Variants in ASIC2 observed in about 807,000 individuals in gnomAD.
ASIC2 encodes acid sensing ion channel subunit 2, also known as acid-sensing ion channel 2.
In ASIC2, 25 loss-of-function variants were observed where a neutral mutation model predicts 57.3. That is an observed-to-expected ratio of 0.44 (90% CI 0.32 to 0.61). The LOEUF (loss-of-function observed/expected upper bound fraction) is 0.61. Ranked by LOEUF, ASIC2 falls within the 20% of genes least tolerant of loss-of-function variation. ASIC2 has a pLI of 0.06. For missense variants in ASIC2, 641 were observed against 738.1 expected, an observed-to-expected ratio of 0.87 and a Z score of 1.52; for synonymous variants, 319 against 307.5, an observed-to-expected ratio of 1.04 and a Z score of -0.39.
At chr17:33,905,746 T>C (rs920121197) in intron 1 of ASIC2, among the ~76,000 whole-genome samples, 24 of 152,162 alleles carry the variant, frequency 1.6e-4, no homozygotes, top group African/African-American at 5.3e-4. Flanking sequence ...TAGTCTGACA[T>C]CAGACAAATG....
intron 1 of ASIC2, among the ~76,000 whole-genome samples, chr17:33,151,181 GCA>G (rs56192428): frequency 0.55 from 81,318 of 146,586 alleles, 22,978 homozygotes; most frequent in African/African-American, 0.64. Context: ...ACACACACAC[GCA>G]CACACACACA....
chr17:33,558,056 T>G (rs867159486), intron 1 of ASIC2, among the ~76,000 whole-genome samples: 1 of 152,024 alleles, frequency 6.6e-6, no homozygotes. Flanking sequence ...CATTTGGGCC[T>G]TCTTGGTATC....
intron 1 of ASIC2, among the ~76,000 whole-genome samples, chr17:33,902,785 C>T (rs931528323): frequency 2.0e-5 from 3 of 152,284 alleles, no homozygotes; most frequent in East Asian, 1.9e-4. Context: ...TCTCGAAGAC[C>T]CAATTCTTCA....
At chr17:34,067,247 A>G (rs554575968) in intron 1 of ASIC2, among the ~76,000 whole-genome samples, 4 of 152,330 alleles carry the variant, frequency 2.6e-5, no homozygotes, top group African/African-American at 7.2e-5. Flanking sequence ...TTGTAGTGGT[A>G]AGTGTTTACA....
rs1196870111 is a variant in ASIC2, at chr17:33,853,775, G to A, written c.555+302203C>T. Among the ~76,000 whole-genome samples, 6 of 152,320 alleles carry A rather than the reference G, an allele frequency of 3.9e-5. No individual in the cohort carries two copies. In the South Asian group the frequency reaches 1.2e-3, roughly 32 times the overall value. Reference sequence around the variant, plus strand: ...GCACCGAGCTTGGTCTAGAGTGGATGTTCATTAAACGCTGATTTGATAAGT... The same window carrying A: ...GCACCGAGCTTGGTCTAGAGTGGATATTCATTAAACGCTGATTTGATAAGT... On this transcript the variant is annotated intron_variant, in intron 1 of 9. Coordinates refer to the ASIC2 transcript ENST00000359872.
intron 1 of ASIC2, among the ~76,000 whole-genome samples, chr17:34,067,928 A>G (rs1411191944): frequency 6.6e-6 from 1 of 152,222 alleles, no homozygotes; most frequent in African/African-American, 2.4e-5. Context: ...AAGGATAAAC[A>G]TTATCCTGTT....
At chr17:33,643,925 A>T (rs1906663837) in intron 1 of ASIC2, among the ~76,000 whole-genome samples, 1 of 152,230 alleles carries the variant, frequency 6.6e-6, no homozygotes, top group African/African-American at 2.4e-5. Context: ...ACATGACTTT[A>T]GCTGGTATAA....
At chr17:33,190,682 T>C (rs764700766) in intron 1 of ASIC2, among the ~76,000 whole-genome samples, 1 of 152,186 alleles carries the variant, frequency 6.6e-6, no homozygotes, top group Non-Finnish European at 1.5e-5. Context: ...TATAGACATA[T>C]AGATCAATGG....
chr17:33,702,461 A>G (rs1384463208), intron 1 of ASIC2, among the ~76,000 whole-genome samples: 1 of 152,180 alleles, frequency 6.6e-6, no homozygotes, highest in Non-Finnish European at 1.5e-5. Flanking sequence ...TGGGCAACCC[A>G]ATTCTCTCTG....
intron 1 of ASIC2, among the ~76,000 whole-genome samples, chr17:33,301,353 T>C (rs1204728791): frequency 6.6e-6 from 1 of 152,162 alleles, no homozygotes; most frequent in Non-Finnish European, 1.5e-5. Flanking sequence ...ACTTAACTCA[T>C]GTTATCTTCA....
At chr17:34,024,287 T>C (rs867180307) in intron 1 of ASIC2, among the ~76,000 whole-genome samples, 15 of 152,344 alleles carry the variant, frequency 9.8e-5, no homozygotes, top group Non-Finnish European at 1.9e-4. Flanking sequence ...TGGCTCTTAA[T>C]CTCAGCACTA....
intron 1 of ASIC2, among the ~76,000 whole-genome samples, chr17:33,984,816 T>A (rs1905759030): frequency 6.6e-6 from 1 of 152,142 alleles, no homozygotes; most frequent in Non-Finnish European, 1.5e-5. Flanking sequence ...GCAAAGAGAA[T>A]AGAAAGGGAT....
intron 1 of ASIC2, among the ~76,000 whole-genome samples, chr17:33,809,332 G>A (rs4239240): frequency 0.99 from 151,196 of 152,338 alleles, 75,034 homozygotes; most frequent in East Asian, 1. Context: ...ACTGAGAGAC[G>A]AAAGAGGTAG....
intron 3 of ASIC2, among the ~76,000 whole-genome samples, chr17:33,056,792 A>T (rs990907164): frequency 6.6e-6 from 1 of 152,176 alleles, no homozygotes; most frequent in African/African-American, 2.4e-5. Context: ...CATCAGAAGG[A>T]GCTGAGCACG....
At chr17:33,827,041 A>G (rs2141897421) in intron 1 of ASIC2, among the ~76,000 whole-genome samples, 1 of 152,296 alleles carries the variant, frequency 6.6e-6, no homozygotes, top group South Asian at 2.1e-4. Context: ...TGTTGAACAG[A>G]TGAGGGTTTC....
chr17:33,556,533 T>C (rs1915913769), intron 1 of ASIC2, among the ~76,000 whole-genome samples: 1 of 152,212 alleles, frequency 6.6e-6, no homozygotes, highest in Non-Finnish European at 1.5e-5. Context: ...ATTCAGAAAA[T>C]TAAGCACAGC....
At chr17:33,203,543 C>T (rs1385168894) in intron 1 of ASIC2, among the ~76,000 whole-genome samples, 2 of 152,330 alleles carry the variant, frequency 1.3e-5, no homozygotes, top group East Asian at 1.9e-4. Context: ...AGCGCTGAGG[C>T]TGGAGTATCT....
chr17:33,674,202 A>G (rs561876606), intron 1 of ASIC2, among the ~76,000 whole-genome samples: 1 of 152,132 alleles, frequency 6.6e-6, no homozygotes, highest in Admixed American at 6.5e-5. Flanking sequence ...CCGTGTCTTT[A>G]GCAAGATATT....
intron 1 of ASIC2, among the ~76,000 whole-genome samples, chr17:33,157,223 C>A (rs542838599): frequency 5.9e-5 from 9 of 152,154 alleles, no homozygotes; most frequent in Non-Finnish European, 1.0e-4. Context: ...GGAAACCAAC[C>A]AATCAGGGCT....
Sources: allele counts gnomAD v4.1 joint callset (sites outside exome capture counted in the v4.1 genomes callset), GRCh38; gene constraint gnomAD v4.1.1; transcripts MANE v1.5; gene names NCBI Gene and HGNC (gene_info 2026-07-23, HGNC 2026-07-21).